AUTS2: variants seen among roughly 807,000 people sequenced by gnomAD.
AUTS2 encodes the protein activator of transcription and developmental regulator AUTS2, also known as autism susceptibility gene 2 protein.
In AUTS2, 17 loss-of-function variants were observed where a neutral mutation model predicts 112.4. The observed-to-expected ratio is 0.15, with a 90% confidence interval of 0.10 to 0.23. The LOEUF is 0.23. Among genes scored for constraint, AUTS2 ranks in the 10% least tolerant of loss-of-function variants. AUTS2 has a pLI of 1.00. For synonymous variants in AUTS2, 751 were observed against 702.7 expected (o/e 1.07, Z -1.09); for missense variants, 1,510 against 1,701.6 (o/e 0.89, Z 1.98).
chr7:69,783,969 C>T (rs550578104), intron 1 of AUTS2, among the ~76,000 whole-genome samples: 7 of 152,282 alleles, frequency 4.6e-5, no homozygotes, highest in African/African-American at 1.2e-4. Context: ...GCATTCATCT[C>T]CCATTTTACC....
At chr7:69,771,503 A>G (rs139660908) in intron 1 of AUTS2, among the ~76,000 whole-genome samples, 25 of 152,326 alleles carry the variant, frequency 1.6e-4, no homozygotes, top group African/African-American at 6.0e-4. Context: ...AGATGGTTTC[A>G]GTGCAGCGTG....
chr7:69,805,412 T>C (rs1012420471), intron 1 of AUTS2, among the ~76,000 whole-genome samples: 1 of 152,184 alleles, frequency 6.6e-6, no homozygotes, highest in African/African-American at 2.4e-5. Flanking sequence ...AGGCAGACTT[T>C]TTTTTACATT....
chr7:70,240,079 C>T (rs1812531318), intron 4 of AUTS2, among the ~76,000 whole-genome samples: 1 of 152,082 alleles, frequency 6.6e-6, no homozygotes, highest in South Asian at 2.1e-4. Context: ...TAGAGGTTGC[C>T]TGAGCTGGCT....
chr7:70,393,233 C>T (rs1793941628), intron 4 of AUTS2, among the ~76,000 whole-genome samples: 1 of 152,204 alleles, frequency 6.6e-6, no homozygotes, highest in Non-Finnish European at 1.5e-5. Context: ...TGTTCCTTCT[C>T]AGTTTGTCTT....
chr7:70,391,233 C>A (rs1321108953), intron 4 of AUTS2, among the ~76,000 whole-genome samples: 1 of 152,148 alleles, frequency 6.6e-6, no homozygotes, highest in Non-Finnish European at 1.5e-5. Context: ...TCACTGTCCT[C>A]AGCAAATATG....
intron 2 of AUTS2, among the ~76,000 whole-genome samples, chr7:70,104,113 G>A (rs529202329): frequency 7.5e-4 from 113 of 150,892 alleles, no homozygotes; most frequent in Non-Finnish European, 1.4e-3. Context: ...AATGGTAGAA[G>A]CTGCTGTCCA....
chr7:69,824,371 C>T (rs6980307), intron 1 of AUTS2, among the ~76,000 whole-genome samples: 53,204 of 151,038 alleles, frequency 0.35, 9,841 homozygotes, highest in African/African-American at 0.46. Flanking sequence ...ATCGCGCCAC[C>T]GCACTCCAGC....
intron 2 of AUTS2, among the ~76,000 whole-genome samples, chr7:70,064,696 G>C (rs1375452802): frequency 6.6e-6 from 1 of 152,180 alleles, no homozygotes; most frequent in African/African-American, 2.4e-5. Context: ...GGGTAGATAA[G>C]ACACCTCCCA....
At chr7:70,378,528 A>T (rs934206119) in intron 4 of AUTS2, among the ~76,000 whole-genome samples, 1 of 152,252 alleles carries the variant, frequency 6.6e-6, no homozygotes, top group East Asian at 1.9e-4. Context: ...TAAGGCCCAC[A>T]GAATATGTTA....
Position 70,759,971 on chromosome 7 carries a change from C to T in AUTS2, c.743-2899C>T, listed in dbSNP as rs564302107. ...TAGAAAGTATTTATTGATGTCTTCA[C>T]CAGCCCAGTCTGGAGAAAACAGAGT... On this transcript the variant is annotated intron_variant, in intron 6 of 18. Coordinates refer to ENST00000342771, the MANE Select transcript of AUTS2 (RefSeq NM_015570.4). 1.0e-3 allele frequency among the ~76,000 whole-genome samples: 152 copies of T among 152,238 alleles called. 1 individual carries two copies. Among genetic ancestry groups the T allele is most frequent in the Non-Finnish European group, 1.8e-3 (120 of 68,020 alleles).
chr7:69,647,945 T>C lies in AUTS2; in HGVS notation c.309+47983T>C, dbSNP rs538855804. Among the ~76,000 whole-genome samples the C allele has an allele frequency of 4.6e-5, 7 of 152,336 alleles. No individual in the cohort carries two copies. The East Asian group carries it at 1.4e-3, about 29-fold the overall frequency. ...GTTGTCTCTTAGTGTTCTCCTTGTGTCTTTACATGGCCATCTTCTGGTAAG... is the reference window on the plus strand; with the variant it reads ...GTTGTCTCTTAGTGTTCTCCTTGTGCCTTTACATGGCCATCTTCTGGTAAG... On this transcript the variant is annotated intron_variant, in intron 1 of 18. Coordinates refer to ENST00000342771, the MANE Select transcript of AUTS2 (RefSeq NM_015570.4).
At chr7:70,691,745 A>G (rs940658070) in intron 5 of AUTS2, among the ~76,000 whole-genome samples, 6 of 152,188 alleles carry the variant, frequency 3.9e-5, no homozygotes, top group Non-Finnish European at 8.8e-5. Flanking sequence ...AGGTGGCCAC[A>G]GTGGTCAGAG....
chr7:70,020,093 C>T (rs145110609), intron 2 of AUTS2, among the ~76,000 whole-genome samples: 105 of 152,312 alleles, frequency 6.9e-4, no homozygotes, highest in Non-Finnish European at 1.5e-3. Flanking sequence ...TGAATGACTG[C>T]TGTTTGTCAC....
chr7:70,254,322 T>C lies in AUTS2; in HGVS notation c.660+119751T>C, dbSNP rs1235483407. ...TCATTAATGTAATTTACTTCTTTCA[T>C]TCCAGTCTTCACTCATGCTTTCAAA... On this transcript the variant is annotated intron_variant, in intron 4 of 18. Transcript: ENST00000342771. Among the ~76,000 whole-genome samples, 3 of 152,326 alleles carry C rather than the reference T, an allele frequency of 2.0e-5. No homozygotes were observed. In the East Asian group the frequency reaches 5.8e-4, roughly 29 times the overall value.
At chr7:70,449,542 A>C (rs1028291313) in intron 5 of AUTS2, among the ~76,000 whole-genome samples, 1 of 152,180 alleles carries the variant, frequency 6.6e-6, no homozygotes, top group Admixed American at 6.5e-5. Flanking sequence ...GGCCTGCAGC[A>C]GTGGGTTCTA....
chr7:69,666,893 C>T (rs1796073895), intron 1 of AUTS2, among the ~76,000 whole-genome samples: 1 of 152,104 alleles, frequency 6.6e-6, no homozygotes, highest in Non-Finnish European at 1.5e-5. Flanking sequence ...GAGAGTGAGA[C>T]TCTATCCCCA....
At chr7:70,270,743 A>G (rs1787653145) in intron 4 of AUTS2, among the ~76,000 whole-genome samples, 1 of 152,172 alleles carries the variant, frequency 6.6e-6, no homozygotes, top group Admixed American at 6.5e-5. Flanking sequence ...TGCTAAATAG[A>G]GTGCAGCAGA....
chr7:70,208,839 C>T (rs1488677948), intron 4 of AUTS2, among the ~76,000 whole-genome samples: 2 of 151,608 alleles, frequency 1.3e-5, no homozygotes, highest in African/African-American at 4.8e-5. Flanking sequence ...TTGGTGTGTT[C>T]AAGGGACAGG....
At chr7:70,132,034 A>G in intron 3 of AUTS2, among the ~76,000 whole-genome samples, 1 of 151,990 alleles carries the variant, frequency 6.6e-6, no homozygotes, top group East Asian at 1.9e-4. Context: ...AATGTGGTGA[A>G]AAGGGTTTAA....
Sources: allele counts gnomAD v4.1 joint callset (sites outside exome capture counted in the v4.1 genomes callset), GRCh38; gene constraint gnomAD v4.1.1; transcripts MANE v1.5; gene names NCBI Gene and HGNC (gene_info 2026-07-23, HGNC 2026-07-21).